SMPX: variants seen among roughly 807,000 people sequenced by gnomAD.
SMPX encodes the protein small muscular protein.
SMPX carries 2 observed loss-of-function variants against 6.3 expected under a neutral mutation model. The observed-to-expected ratio is 0.32, with a 90% CI of 0.13 to 0.99. The LOEUF (loss-of-function observed/expected upper bound fraction) is 0.99. Among genes scored for constraint, SMPX ranks in the 50% least tolerant of loss-of-function variants. SMPX has a pLI of 0.49. For synonymous variants in SMPX, 32 were observed against 24.7 expected (o/e 1.30, Z -0.88); for missense variants, 60 against 66.8 (o/e 0.90, Z 0.36).
rs1457184874 is a variant in SMPX, at chrX:21,708,628, G to T, written c.*15-2234C>A. Among the ~76,000 whole-genome samples the T allele has an allele frequency of 1.8e-5, 2 of 112,309 alleles. 1 individual carries two copies. The highest frequency in any genetic ancestry group is 3.8e-5 in the Non-Finnish European group (2 of 53,245). ...CTACTCCACTAACAAGGTATGGATG[G>T]TTTGTGAACCAGAGGAAAAGGTAGG... On this transcript the variant is annotated intron_variant, in intron 4 of 4. Coordinates refer to ENST00000379494, the MANE Select transcript of SMPX (RefSeq NM_014332.3).
chrX:21,712,678 A>G (rs1227826864), intron 4 of SMPX, among the ~76,000 whole-genome samples: 1 of 111,671 alleles, frequency 9.0e-6, no homozygotes, highest in East Asian at 2.8e-4. Flanking sequence ...TTCATTGGAG[A>G]AATATTGACC....
Position 21,705,989 on chromosome X carries a change from G to T in SMPX, c.*420C>A. The T allele has an allele frequency of 2.2e-6, 1 of 463,162 alleles. No homozygotes were observed. 38.2% of individuals were successfully genotyped at this position (463,162 alleles called of 1,213,427 possible). ...AGTCTAGATTCACATTTTACATTTAGTCAAATATTTATTTGAACTCATACA... is the reference window on the plus strand; with the variant it reads ...AGTCTAGATTCACATTTTACATTTATTCAAATATTTATTTGAACTCATACA... On this transcript the variant is annotated 3_prime_UTR_variant, in exon 5 of 5. Transcript: ENST00000379494.
At chrX:21,743,508 A>C (rs1267738719) in intron 3 of SMPX, among the ~76,000 whole-genome samples, 1 of 112,109 alleles carries the variant, frequency 8.9e-6, no homozygotes, top group Non-Finnish European at 1.9e-5. Context: ...AGTACCTTCA[A>C]GTAATGGTGC....
chrX:21,734,212 G>A (rs909515366), intron 4 of SMPX, among the ~76,000 whole-genome samples: 11 of 111,881 alleles, frequency 9.8e-5, no homozygotes, highest in Non-Finnish European at 1.9e-4. Flanking sequence ...TGGTATAGAA[G>A]CTAGTTTCAA....
intron 2 of SMPX, among the ~76,000 whole-genome samples, chrX:21,750,595 C>T (rs1389496522): frequency 8.9e-6 from 1 of 112,263 alleles, no homozygotes; most frequent in Non-Finnish European, 1.9e-5. Flanking sequence ...CAAAGGCCCT[C>T]CCCGGGCTAA....
At chrX:21,729,660 C>T (rs965883086) in intron 4 of SMPX, among the ~76,000 whole-genome samples, 1 of 111,523 alleles carries the variant, frequency 9.0e-6, no homozygotes, top group Non-Finnish European at 1.9e-5. Flanking sequence ...GAATTGGGTT[C>T]GGAGTCACCT....
intron 4 of SMPX, among the ~76,000 whole-genome samples, chrX:21,723,545 A>C (rs1420994289): frequency 8.9e-6 from 1 of 112,161 alleles, no homozygotes; most frequent in Non-Finnish European, 1.9e-5. Context: ...AATTGTTTTG[A>C]TTTTTAATAG....
In SMPX at chrX:21,729,231, G is replaced by A. The variant is rs778561787; in HGVS notation, c.*14+8318C>T. ...TAATTACTTTACTCTTTTTATTACTGTCTTAATTTCTGTGACGTGCAATGC... is the reference window on the plus strand; with the variant it reads ...TAATTACTTTACTCTTTTTATTACTATCTTAATTTCTGTGACGTGCAATGC... On this transcript the variant is annotated intron_variant, in intron 4 of 4. Transcript: ENST00000379494. Among the ~76,000 whole-genome samples, 327 of 112,737 alleles carry A rather than the reference G, an allele frequency of 2.9e-3. 1 individual carries two copies. Among genetic ancestry groups the A allele is most frequent in the Middle Eastern group, 9.3e-3 (2 of 216 alleles).
chrX:21,713,938 T>G (rs2147372155), intron 4 of SMPX, among the ~76,000 whole-genome samples: 1 of 112,495 alleles, frequency 8.9e-6, no homozygotes, highest in South Asian at 3.6e-4. Flanking sequence ...TTTCTAAAAA[T>G]ACTTTATATA....
chrX:21,740,870 T>A (rs143213432), intron 3 of SMPX, among the ~76,000 whole-genome samples: 1,695 of 112,332 alleles, frequency 0.015, 36 homozygotes, highest in South Asian at 0.096. Context: ...TGCTATTTTG[T>A]GGCTTAATAA....
intron 4 of SMPX, among the ~76,000 whole-genome samples, chrX:21,716,442 T>C (rs1193996807): frequency 8.9e-6 from 1 of 112,105 alleles, no homozygotes; most frequent in Non-Finnish European, 1.9e-5. Flanking sequence ...CCACTTATGC[T>C]ACCTTGGGCA....
intron 3 of SMPX, among the ~76,000 whole-genome samples, chrX:21,741,685 G>T (rs1190008198): frequency 9.0e-6 from 1 of 111,216 alleles, no homozygotes; most frequent in Non-Finnish European, 1.9e-5. Flanking sequence ...ACCATCACTA[G>T]CTCCACCCTT....
chrX:21,746,713 C>T (rs1458974946), intron 2 of SMPX, among the ~76,000 whole-genome samples: 1 of 98,791 alleles, frequency 1.0e-5, no homozygotes, highest in Non-Finnish European at 2.0e-5. Context: ...GAAAATATGT[C>T]GAACATTCGA....
At chrX:21,715,281 T>C (rs2092783127) in intron 4 of SMPX, among the ~76,000 whole-genome samples, 1 of 100,604 alleles carries the variant, frequency 9.9e-6, no homozygotes, top group Non-Finnish European at 1.9e-5. Flanking sequence ...TGTGTGTGTG[T>C]GTGTGTGTGT....
chrX:21,725,906 A>C (rs747585394), intron 4 of SMPX, among the ~76,000 whole-genome samples: 1 of 111,562 alleles, frequency 9.0e-6, no homozygotes, highest in African/African-American at 3.3e-5. Flanking sequence ...TCACTTAAAA[A>C]CCAACCAACC....
At chrX:21,719,453 G>A (rs1449839204) in intron 4 of SMPX, among the ~76,000 whole-genome samples, 1 of 110,072 alleles carries the variant, frequency 9.1e-6, no homozygotes, top group Non-Finnish European at 1.9e-5. Context: ...GGGAGGGGGC[G>A]GTTGCAGTGA....
chrX:21,733,955 T>C (rs1054355255), intron 4 of SMPX, among the ~76,000 whole-genome samples: 2 of 111,698 alleles, frequency 1.8e-5, no homozygotes, highest in African/African-American at 6.5e-5. Flanking sequence ...CACTGCCTCT[T>C]TGAAATTATC....
intron 4 of SMPX, among the ~76,000 whole-genome samples, chrX:21,726,786 C>T (rs2092797431): frequency 8.9e-6 from 1 of 112,461 alleles, no homozygotes; most frequent in Non-Finnish European, 1.9e-5. Context: ...GTATTTTTCT[C>T]ATTTTTCAGA....
chrX:21,729,573 T>C (rs777092397), intron 4 of SMPX, among the ~76,000 whole-genome samples: 3 of 111,571 alleles, frequency 2.7e-5, no homozygotes, highest in Non-Finnish European at 3.8e-5. Context: ...TTCCATTACA[T>C]TGAGAGTAGA....
Sources: allele counts gnomAD v4.1 joint callset (sites outside exome capture counted in the v4.1 genomes callset), GRCh38; gene constraint gnomAD v4.1.1; transcripts MANE v1.5; gene names NCBI Gene and HGNC (gene_info 2026-07-23, HGNC 2026-07-21).